The following EFCAB5 variants were observed in gnomAD, a reference collection of about 807,000 sequenced individuals.
The protein encoded by EFCAB5 is EF-hand calcium binding domain 5.
A neutral mutation model predicts 167.9 loss-of-function variants in EFCAB5; 131 were observed. That is an observed-to-expected ratio of 0.78 (90% CI 0.68 to 0.90). EFCAB5 has a LOEUF of 0.90. EFCAB5 is among the 40% of genes least tolerant of loss of function. EFCAB5 has a pLI of 0.00. For synonymous variants in EFCAB5, 574 were observed against 602.8 expected, an observed-to-expected ratio of 0.95 and a Z score of 0.70; for missense variants, 1,663 against 1,745.2, an observed-to-expected ratio of 0.95 and a Z score of 0.84.
chr17:30,023,793 G>A (rs2069243852), intron 7 of EFCAB5, among the ~76,000 whole-genome samples: 1 of 152,152 alleles, frequency 6.6e-6, no homozygotes, highest in South Asian at 2.1e-4. Flanking sequence ...TAAAATACTG[G>A]CAAACCGAAT....
chr17:30,105,371 C>T (rs1392003461), intron 22 of EFCAB5, among the ~76,000 whole-genome samples: 1 of 152,128 alleles, frequency 6.6e-6, no homozygotes, highest in Non-Finnish European at 1.5e-5. Flanking sequence ...TCTGTAATCC[C>T]AGCTACTTGG....
At chr17:30,024,844 C>G (rs1206642216) in intron 7 of EFCAB5, among the ~76,000 whole-genome samples, 1 of 152,064 alleles carries the variant, frequency 6.6e-6, no homozygotes, top group Non-Finnish European at 1.5e-5. Flanking sequence ...AGATATAGAT[C>G]AATGGAACAG....
In EFCAB5 at chr17:30,092,145, T is replaced by A; in HGVS notation, c.4212T>A (p.Asp1404Glu). 6.2e-7 allele frequency: 1 copy of A among 1,611,972 alleles called. No individual in the cohort carries two copies. Among genetic ancestry groups the A allele is most frequent in the Non-Finnish European group, 8.5e-7 (1 of 1,178,760 alleles). ...LEFSSDFGSWDKCKFYVNKYL... is the reference protein window; with the variant it reads ...LEFSSDFGSWEKCKFYVNKYL... ...TTTCAAGTGACTTTGGAAGTTGGGA[T>A]AAGTGTAAATTTGTAAGTTTTTTTT... Residue 1404 changes from aspartate (D) to glutamate (E), a missense_variant, in exon 21 of 23, where the codon GAT (aspartate) becomes GAA (glutamate). Coordinates refer to ENST00000394835, the MANE Select transcript of EFCAB5 (RefSeq NM_198529.4).
chr17:30,078,173 G>A, intron 14 of EFCAB5, 42 bp from the exon 15 acceptor site: 1 of 1,555,888 alleles, frequency 6.4e-7, no homozygotes, highest in African/African-American at 1.4e-5. Flanking sequence ...ACCAATGAGT[G>A]AACTTTTGGT....
intron 7 of EFCAB5, among the ~76,000 whole-genome samples, chr17:30,015,430 T>G: frequency 6.6e-6 from 1 of 152,228 alleles, no homozygotes. Context: ...CACTTTCAGG[T>G]ACACCAATCA....
At chr17:30,080,719 G>A (rs141485722) in intron 16 of EFCAB5, 34 bp from the exon 17 acceptor site, 26 of 1,460,362 alleles carry the variant, frequency 1.8e-5, no homozygotes, top group Middle Eastern at 4.6e-4. Flanking sequence ...CTCTCCCTGT[G>A]CCTTTCTTCC....
intron 4 of EFCAB5, among the ~76,000 whole-genome samples, chr17:29,970,426 CT>C (rs1485927278): frequency 4.0e-5 from 6 of 151,884 alleles, no homozygotes; most frequent in East Asian, 1.9e-4. Flanking sequence ...TGTTTGTTTA[CT>C]TTTTTTATAT....
intron 8 of EFCAB5, among the ~76,000 whole-genome samples, chr17:30,039,947 A>T (rs1402421154): frequency 3.3e-5 from 5 of 152,232 alleles, no homozygotes; most frequent in Non-Finnish European, 7.3e-5. Flanking sequence ...AGTAGTAGAA[A>T]TAGGAGACCT....
At chr17:30,012,294 G>A (rs537492995) in intron 7 of EFCAB5, among the ~76,000 whole-genome samples, 17 of 152,254 alleles carry the variant, frequency 1.1e-4, no homozygotes, top group East Asian at 1.9e-4. Flanking sequence ...AGTCAGGCTC[G>A]CCCGCAGTTG....
At chr17:30,081,088 T>A (rs1421041982) in intron 17 of EFCAB5, 107 bp downstream of exon 17, 1 of 827,182 alleles carries the variant, frequency 1.2e-6, no homozygotes, top group East Asian at 2.6e-5. Context: ...TGTATACAGA[T>A]AACATCATCA....
intron 3 of EFCAB5, among the ~76,000 whole-genome samples, chr17:29,961,432 C>G (rs912498576): frequency 6.6e-6 from 1 of 152,022 alleles, no homozygotes; most frequent in African/African-American, 2.4e-5. Flanking sequence ...TGACATAATT[C>G]TTTGATGTAC....
At chr17:29,959,723 T>C (rs2067682997) in intron 3 of EFCAB5, among the ~76,000 whole-genome samples, 1 of 152,184 alleles carries the variant, frequency 6.6e-6, no homozygotes, top group Non-Finnish European at 1.5e-5. Context: ...CAAAGCCCTC[T>C]TTACTGTCCT....
rs964683889 is a variant in EFCAB5 at position 30,073,214 on chromosome 17, C to T, written c.2738-5001C>T. The stretch of plus-strand genomic sequence containing the variant: ...GGGACTACAGGTGTGCATCATCAGG[C>T]CTGGCTAATTTTTCTAATTTTTGGT... On this transcript the variant is annotated intron_variant, in intron 14 of 22. Transcript: ENST00000394835. The T allele has an allele frequency of 5.9e-6, 4 of 680,008 alleles. No homozygotes were observed. In the Admixed American group the frequency reaches 6.5e-5, roughly 11 times the overall value. 42.1% of individuals were successfully genotyped at this position (680,008 alleles called of 1,614,324 possible). A position where few individuals can be genotyped will look rare whatever the true frequency, so the allele number is the denominator to read the frequency against.
chr17:30,052,465 C>G (rs2070130218), intron 9 of EFCAB5, among the ~76,000 whole-genome samples: 1 of 152,146 alleles, frequency 6.6e-6, no homozygotes, highest in Non-Finnish European at 1.5e-5. Flanking sequence ...CCACACCTGG[C>G]CAAGAATGTC....
chr17:29,951,653 C>G (rs1340246582), intron 3 of EFCAB5, among the ~76,000 whole-genome samples: 1 of 152,064 alleles, frequency 6.6e-6, no homozygotes, highest in Non-Finnish European at 1.5e-5. Flanking sequence ...CCGCACCCAG[C>G]CAGGATATTG....
intron 7 of EFCAB5, among the ~76,000 whole-genome samples, chr17:30,006,876 CA>C (rs1459007875): frequency 2.6e-5 from 4 of 152,188 alleles, no homozygotes; most frequent in Admixed American, 6.5e-5. Flanking sequence ...GGGCTGGTCT[CA>C]AATTCCTGGA....
rs1176866871 is a variant in EFCAB5 at position 30,097,055 on chromosome 17, TATATA to T, written c.4321+4120_4321+4124del. Among the ~76,000 whole-genome samples the T allele has an allele frequency of 9.7e-3, 523 of 53,762 alleles. 5 individuals carry two copies. The highest frequency in any genetic ancestry group is 0.018 in the African/African-American group (165 of 9,238). The allele number at this position is 53,762 out of a possible 152,430, so 35.3% of individuals were successfully genotyped here. Reference sequence around the variant, plus strand: ...ACATATACATATACATATACATATATATATATTTTTTTTTTTTTGAGATGGAGTTT... The same window carrying T: ...ACATATACATATACATATACATATATTTTTTTTTTTTTTGAGATGGAGTTT... On this transcript the variant is annotated intron_variant, in intron 22 of 22. Coordinates refer to ENST00000394835, the MANE Select transcript of EFCAB5 (RefSeq NM_198529.4).
At chr17:29,936,961 T>G (rs1032722007), upstream of EFCAB5, among the ~76,000 whole-genome samples, 1 of 152,232 alleles carries the variant, frequency 6.6e-6, no homozygotes, top group Non-Finnish European at 1.5e-5. Flanking sequence ...CTTGCCAATT[T>G]ATATGGAGAA....
chr17:29,980,149 A>AC lies in EFCAB5; in HGVS notation c.767+10783dup, dbSNP rs541261174. The stretch of plus-strand genomic sequence containing the variant: ...AGGCCATTGCACTCCAGCCTGGGCA[A>AC]CAACAGTGAAACTCCGTCTCAAAAA... On this transcript the variant is annotated intron_variant, in intron 4 of 22. Coordinates refer to ENST00000394835, the MANE Select transcript of EFCAB5 (RefSeq NM_198529.4). Among the ~76,000 whole-genome samples, 626 of 152,332 alleles carry AC rather than the reference A, an allele frequency of 4.1e-3. 5 individuals carry two copies. The highest frequency in any genetic ancestry group is 0.014 in the African/African-American group (594 of 41,584).
Sources: allele counts gnomAD v4.1 joint callset (sites outside exome capture counted in the v4.1 genomes callset), GRCh38; gene constraint gnomAD v4.1.1; transcripts MANE v1.5; gene names NCBI Gene and HGNC (gene_info 2026-07-23, HGNC 2026-07-21).